TASP1: variants seen among roughly 807,000 people sequenced by gnomAD.
The protein encoded by TASP1 is taspase 1, also known as threonine aspartase 1.
A neutral mutation model predicts 56.6 loss-of-function variants in TASP1; 16 were observed. That is an observed-to-expected ratio of 0.28 (90% CI 0.19 to 0.43). The LOEUF is 0.43. Among genes scored for constraint, TASP1 ranks in the 20% least tolerant of loss-of-function variants. The pLI is 1.00. For synonymous variants in TASP1, 179 were observed against 184.2 expected (o/e 0.97, Z 0.23); for missense variants, 393 against 511.6 (o/e 0.77, Z 2.24).
chr20:13,222,301 G>C, the TASP1 span, among the ~76,000 whole-genome samples: 1 of 152,174 alleles, frequency 6.6e-6, no homozygotes, highest in African/African-American at 2.4e-5. Flanking sequence ...AGGCTGGAGG[G>C]ACGCAAGGAG....
the TASP1 span, among the ~76,000 whole-genome samples, chr20:13,322,475 G>C: frequency 2.0e-5 from 3 of 152,182 alleles, no homozygotes; most frequent in South Asian, 6.2e-4. Context: ...AAACAGATCA[G>C]TTTCCTTTGA....
At chr20:13,213,932 A>C in the TASP1 span, among the ~76,000 whole-genome samples, 1 of 152,198 alleles carries the variant, frequency 6.6e-6, no homozygotes, top group Non-Finnish European at 1.5e-5. Flanking sequence ...AAAGAATGTT[A>C]ATGGCACAAA....
the TASP1 span, among the ~76,000 whole-genome samples, chr20:13,204,368 T>A: frequency 6.6e-6 from 1 of 152,158 alleles, no homozygotes; most frequent in East Asian, 1.9e-4. Context: ...GATCCCTTGT[T>A]GGAGTTGTGT....
the TASP1 span, among the ~76,000 whole-genome samples, chr20:13,364,344 A>G: frequency 6.6e-6 from 1 of 152,192 alleles, no homozygotes; most frequent in Non-Finnish European, 1.5e-5. Flanking sequence ...GAGCCTGTGG[A>G]AGAGAGGACC....
chr20:13,342,269 G>A, the TASP1 span, among the ~76,000 whole-genome samples: 9 of 152,334 alleles, frequency 5.9e-5, no homozygotes, highest in South Asian at 1.7e-3. Context: ...GCATATCGCA[G>A]GCCTGGGTGG....
chr20:13,160,137 G>A, the TASP1 span: 2 of 1,613,256 alleles, frequency 1.2e-6, no homozygotes, highest in Non-Finnish European at 1.7e-6. Flanking sequence ...GACACGGTGA[G>A]TACACCACAG....
At chr20:13,381,675 T>C in the TASP1 span, among the ~76,000 whole-genome samples, 2 of 152,168 alleles carry the variant, frequency 1.3e-5, no homozygotes, top group African/African-American at 4.8e-5. Flanking sequence ...TGCTTGCACT[T>C]CTCCACACTC....
At chr20:13,625,742 T>G (rs2048866355) in intron 2 of TASP1, among the ~76,000 whole-genome samples, 1 of 152,206 alleles carries the variant, frequency 6.6e-6, no homozygotes, top group African/African-American at 2.4e-5. Flanking sequence ...ATCTCGCATG[T>G]CCACAACCAC....
At chr20:13,144,924 G>A in the TASP1 span, among the ~76,000 whole-genome samples, 5 of 152,114 alleles carry the variant, frequency 3.3e-5, no homozygotes, top group South Asian at 8.3e-4. Flanking sequence ...ACAGGCACCC[G>A]CCACCACGCC....
the TASP1 span, among the ~76,000 whole-genome samples, chr20:13,158,406 T>C: frequency 6.6e-6 from 1 of 152,196 alleles, no homozygotes; most frequent in East Asian, 1.9e-4. Context: ...TCATATATTT[T>C]GCCCTGCATT....
chr20:13,259,145 T>A, the TASP1 span, among the ~76,000 whole-genome samples: 502 of 152,116 alleles, frequency 3.3e-3, 6 homozygotes, highest in African/African-American at 0.011. Context: ...TAGCCAGGCA[T>A]GGTGGTATGC....
chr20:13,491,823 G>A (rs998899534), intron 10 of TASP1, among the ~76,000 whole-genome samples: 2 of 152,204 alleles, frequency 1.3e-5, no homozygotes, highest in Admixed American at 1.3e-4. Flanking sequence ...GTGGTGGGAT[G>A]AGCCCCATTA....
At chr20:13,118,813 A>C in the TASP1 span, among the ~76,000 whole-genome samples, 1 of 152,252 alleles carries the variant, frequency 6.6e-6, no homozygotes, top group Admixed American at 6.5e-5. Flanking sequence ...AGCAGAAAAC[A>C]GTCCTCTCAT....
chr20:13,133,226 C>T, the TASP1 span, among the ~76,000 whole-genome samples: 2 of 152,174 alleles, frequency 1.3e-5, no homozygotes, highest in Non-Finnish European at 2.9e-5. Flanking sequence ...GCACAAGTAC[C>T]CTCACCTGTT....
the TASP1 span, among the ~76,000 whole-genome samples, chr20:13,205,314 C>A: frequency 1.3e-5 from 2 of 152,130 alleles, no homozygotes; most frequent in African/African-American, 4.8e-5. Context: ...GCCCGGAAAT[C>A]TCTTCTAGTA....
chr20:13,249,778 GCGTTTTGTTT>G, the TASP1 span, among the ~76,000 whole-genome samples: 3 of 143,232 alleles, frequency 2.1e-5, no homozygotes, highest in African/African-American at 5.2e-5. Flanking sequence ...ATTTTTTGTT[GCGTTTTGTTT>G]TGTTTTGTTT....
the TASP1 span, among the ~76,000 whole-genome samples, chr20:13,286,370 G>A: frequency 6.6e-6 from 1 of 152,080 alleles, no homozygotes; most frequent in African/African-American, 2.4e-5. Context: ...CCATCCAGAA[G>A]CAACTTGTTT....
chr20:13,361,898 C>A, the TASP1 span, among the ~76,000 whole-genome samples: 13 of 152,100 alleles, frequency 8.5e-5, no homozygotes, highest in Admixed American at 8.5e-4. Flanking sequence ...AATCAGATAT[C>A]CTGAGTCATC....
the TASP1 span, among the ~76,000 whole-genome samples, chr20:13,163,970 T>C: frequency 1.2e-4 from 18 of 152,106 alleles, no homozygotes; most frequent in Admixed American, 2.0e-4. Context: ...TTGTTACATA[T>C]GTATACATGT....
Sources: allele counts gnomAD v4.1 joint callset (sites outside exome capture counted in the v4.1 genomes callset), GRCh38; gene constraint gnomAD v4.1.1; transcripts MANE v1.5; gene names NCBI Gene and HGNC (gene_info 2026-07-23, HGNC 2026-07-21).